DDO: variants seen among roughly 807,000 people sequenced by gnomAD.
The protein encoded by DDO is D-aspartate oxidase.
DDO carries 16 observed loss-of-function variants against 16.8 expected under a neutral mutation model. That is an observed-to-expected ratio of 0.95 (90% CI 0.65 to 1.45). The LOEUF (loss-of-function observed/expected upper bound fraction) is 1.45, where lower values mean the gene tolerates loss of function less well. DDO is among the 40% of genes most tolerant of loss of function. The pLI is 0.00. For missense variants in DDO, 429 were observed against 420.3 expected, an observed-to-expected ratio of 1.02 and a Z score of -0.18; for synonymous variants, 180 against 167.2, an observed-to-expected ratio of 1.08 and a Z score of -0.59.
chr6:110,414,900 AG>A (rs1051980644), intron 1 of DDO, among the ~76,000 whole-genome samples: 2 of 152,236 alleles, frequency 1.3e-5, no homozygotes, highest in Admixed American at 1.3e-4. Flanking sequence ...TTCCTCAGCA[AG>A]GGCTGTTGGC....
chr6:110,408,338 A>G lies in DDO; in HGVS notation c.277T>C (p.Ser93Pro). 1 of 1,613,996 alleles carries G rather than the reference A, an allele frequency of 6.2e-7. No homozygotes were observed. Reference protein sequence around the residue: ...EAGDAGVHLVSGWQIFQSTPT... With the variant: ...EAGDAGVHLVPGWQIFQSTPT... The stretch of plus-strand genomic sequence containing the variant: ...ACTTCAAATTTCTTCACTTACCCTG[A>G]TACCAAATGAACACCAGCATCTCCA... Residue 93 changes from serine (S) to proline (P), a missense_variant, in exon 3 of 5, where the codon TCA becomes CCA. Ser to Pro is a moderately conservative substitution (Grantham distance 74, BLOSUM62 -1). Coordinates refer to ENST00000368924, the MANE Select transcript of DDO (RefSeq NM_001372108.2).
chr6:110,411,256 G>T (rs1773848367), intron 2 of DDO, among the ~76,000 whole-genome samples: 1 of 152,086 alleles, frequency 6.6e-6, no homozygotes, highest in Non-Finnish European at 1.5e-5. Flanking sequence ...AACAAGCCCT[G>T]TGCAAACACT....
intron 2 of DDO, among the ~76,000 whole-genome samples, chr6:110,411,228 T>C (rs1773846965): frequency 6.6e-6 from 1 of 152,066 alleles, no homozygotes; most frequent in Non-Finnish European, 1.5e-5. Flanking sequence ...GCCCTCTTAC[T>C]CCAGTGAGCT....
intron 4 of DDO, among the ~76,000 whole-genome samples, chr6:110,403,173 C>T (rs6900185): frequency 0.02 from 3,041 of 152,216 alleles, 104 homozygotes; most frequent in African/African-American, 0.07. Context: ...GGAAACTCTG[C>T]CATTTTTTGC....
At chr6:110,397,510 A>G (rs1408819731) in intron 4 of DDO, among the ~76,000 whole-genome samples, 2 of 152,230 alleles carry the variant, frequency 1.3e-5, no homozygotes, top group East Asian at 3.8e-4. Flanking sequence ...TGGGGGAATA[A>G]GAGAATCTGC....
At chr6:110,413,681 G>C (rs1773941942) in intron 1 of DDO, among the ~76,000 whole-genome samples, 1 of 152,186 alleles carries the variant, frequency 6.6e-6, no homozygotes, top group African/African-American at 2.4e-5. Flanking sequence ...GGCTTTTAGA[G>C]AGTAACACAA....
At chr6:110,396,031 AAAAG>A (rs1393847058) in intron 4 of DDO, among the ~76,000 whole-genome samples, 7 of 152,304 alleles carry the variant, frequency 4.6e-5, no homozygotes, top group African/African-American at 1.7e-4. Flanking sequence ...ACCAACTCAA[AAAAG>A]AAAGAAAGAG....
chr6:110,390,031 G>C (rs1009843385), downstream of DDO, among the ~76,000 whole-genome samples: 4 of 152,234 alleles, frequency 2.6e-5, no homozygotes, highest in African/African-American at 9.6e-5. Context: ...TGGAGCAGCT[G>C]ACTGATAGCC....
At position 110,398,388 on chromosome 6, in the gene DDO, ACAC is replaced by A. The variant is rs1187923194; in HGVS notation, c.459-5049_459-5047del. ...CTAAGCAAATCTTAAATGCGTACAC[ACAC>A]ACACACACACACACACACACACACA... On this transcript the variant is annotated intron_variant, in intron 4 of 4. Transcript: ENST00000368924. Among the ~76,000 whole-genome samples the A allele has an allele frequency of 5.9e-5, 3 of 50,550 alleles. No individual in the cohort carries two copies. In the East Asian group the frequency reaches 3.2e-3, roughly 54 times the overall value. The allele number at this position is 50,550 out of a possible 152,430, so 33.2% of individuals were successfully genotyped here.
At chr6:110,402,447 C>T (rs1773513346) in intron 4 of DDO, among the ~76,000 whole-genome samples, 1 of 152,108 alleles carries the variant, frequency 6.6e-6, no homozygotes, top group African/African-American at 2.4e-5. Flanking sequence ...GGTGGATCAC[C>T]TGAGGTCAGG....
At chr6:110,409,203 A>T (rs754132240) in intron 2 of DDO, among the ~76,000 whole-genome samples, 1 of 152,208 alleles carries the variant, frequency 6.6e-6, no homozygotes, top group Non-Finnish European at 1.5e-5. Flanking sequence ...CCTGTTGGGG[A>T]GGAAACAAGA....
intron 4 of DDO, among the ~76,000 whole-genome samples, chr6:110,401,543 T>C (rs79486889): frequency 0.017 from 2,502 of 151,522 alleles, 65 homozygotes; most frequent in African/African-American, 0.055. Flanking sequence ...TCAGCTAATC[T>C]TGGACAATTT....
At position 110,403,552 on chromosome 6, in the gene DDO, C is replaced by T. The variant is rs550858620; in HGVS notation, c.458+1222G>A. Among the ~76,000 whole-genome samples, 5 of 152,200 alleles carry T rather than the reference C, an allele frequency of 3.3e-5. No homozygotes were observed. The East Asian group carries it at 9.6e-4, about 29-fold the overall frequency. ...TGGTTTATGGGCTGGTGAACAAGGC[C>T]AGAAAAGGCATGGGTTTTATGAAAC... On this transcript the variant is annotated intron_variant, in intron 4 of 4. Coordinates refer to ENST00000368924, the MANE Select transcript of DDO (RefSeq NM_001372108.2).
At chr6:110,400,570 C>T (rs1338585260) in intron 4 of DDO, among the ~76,000 whole-genome samples, 2 of 152,224 alleles carry the variant, frequency 1.3e-5, no homozygotes, top group Admixed American at 6.5e-5. Context: ...CTCCCTGCCC[C>T]ATCAGAACTC....
At position 110,413,413 on chromosome 6, in the gene DDO, G is replaced by C. The variant is rs1472323382; in HGVS notation, c.50C>G (p.Ser17Cys). The C allele has an allele frequency of 1.2e-6, 2 of 1,614,030 alleles. No individual in the cohort carries two copies. The highest frequency in any genetic ancestry group is 2.2e-5 in the South Asian group (2 of 91,064). Residue 17 changes from serine (S) to cysteine (C), a missense_variant, in exon 2 of 5, where the codon TCC becomes TGC. Ser to Cys is a moderately radical substitution (Grantham distance 112). Transcript: ENST00000368924. Reference sequence around the variant, plus strand: ...CAGTTTGGAGATGCACACAGCCGTGGAGAGCCCCACCACACCTGCCCCGAC... The same window carrying C: ...CAGTTTGGAGATGCACACAGCCGTGCAGAGCCCCACCACACCTGCCCCGAC... Reference protein sequence around the residue: ...AVVGAGVVGLSTAVCISKLVP... With the variant: ...AVVGAGVVGLCTAVCISKLVP...
Position 110,392,991 on chromosome 6 carries a change from G to A in DDO, c.810C>T (p.Asn270=), listed in dbSNP as rs956745329. The A allele has an allele frequency of 1.1e-5, 18 of 1,612,020 alleles. No individual in the cohort carries two copies. Among genetic ancestry groups the A allele is most frequent in the Non-Finnish European group, 1.5e-5 (18 of 1,178,166 alleles). The part of the protein sequence containing the change: ...ALEPSLHGAC[N]IREKVGLRPY... ...GCCTCAAGCCCACCTTCTCCCTGAT[G>A]TTGCAGGCTCCGTGGAGGGAGGGCT... The change falls in exon 5 of 5, where the codon AAC becomes AAT. Residue 270 remains asparagine (N), a synonymous_variant. Transcript: ENST00000368924.
chr6:110,395,074 A>C (rs987947618), intron 4 of DDO, among the ~76,000 whole-genome samples: 2 of 152,154 alleles, frequency 1.3e-5, no homozygotes, highest in African/African-American at 4.8e-5. Context: ...TGTCAACTTG[A>C]TTGGGCTATG....
Position 110,393,263 on chromosome 6 carries a change from C to G in DDO, c.538G>C (p.Val180Leu), listed in dbSNP as rs764925604. 3.1e-6 allele frequency: 5 copies of G among 1,613,914 alleles called. No homozygotes were observed. The Admixed American group carries it at 6.7e-5, about 22-fold the overall frequency. ...WELHPSFDIV[V>L]NCSGLGSRQL... ...CTGCTTCCAAGGCCTGAACAGTTGA[C>G]CACGATGTCAAAGGACGGATGAAGT... is the stretch of plus-strand genomic sequence containing the variant. The change falls in exon 5 of 5, where the codon GTC becomes CTC. Residue 180 changes from valine to leucine, a missense_variant. Val to Leu is a conservative substitution (Grantham distance 32, BLOSUM62 1). Transcript: ENST00000368924.
Position 110,400,348 on chromosome 6 carries a change from C to T in DDO, c.458+4426G>A, listed in dbSNP as rs4400251. ...GAGGGTGCGCAGGAGCGGGCCGGGG[C>T]GGGGACTGGCGCCTCATCACGGGCC... On this transcript the variant is annotated intron_variant, in intron 4 of 4. Coordinates refer to ENST00000368924, the MANE Select transcript of DDO (RefSeq NM_001372108.2). Among the ~76,000 whole-genome samples the T allele has an allele frequency of 7.3e-4, 100 of 136,540 alleles. 6 individuals are homozygous for T. Among genetic ancestry groups the T allele is most frequent in the Admixed American group, 2.8e-3 (38 of 13,392 alleles). 89.6% of individuals were successfully genotyped at this position (136,540 alleles called of 152,430 possible). A position where few individuals can be genotyped will look rare whatever the true frequency, so the allele number is the denominator to read the frequency against.
Sources: gnomAD v4.1 joint callset for allele counts (sites outside exome capture counted in the v4.1 genomes callset) on GRCh38, gnomAD v4.1.1 for gene constraint, MANE v1.5 for transcripts, NCBI Gene and HGNC (gene_info 2026-07-23, HGNC 2026-07-21) for gene names.